GALNT13: variants seen among roughly 807,000 people sequenced by gnomAD.
GALNT13 encodes the protein polypeptide N-acetylgalactosaminyltransferase 13, also known as UDP-GalNAc:polypeptide N-acetylgalactosaminyltransferase 13.
Under a neutral mutation model 64.2 loss-of-function variants are expected in GALNT13, and 28 were observed. That is an observed-to-expected ratio of 0.44 (90% confidence interval 0.32 to 0.60). GALNT13 has a LOEUF of 0.60. Ranked by LOEUF, GALNT13 falls within the 20% of genes least tolerant of loss-of-function variation. GALNT13 has a pLI of 0.05. For synonymous variants in GALNT13, 214 were observed against 224.6 expected, an observed-to-expected ratio of 0.95 and a Z score of 0.42; for missense variants, 577 against 669.8, an observed-to-expected ratio of 0.86 and a Z score of 1.53.
chr2:153,998,855 A>G (rs1353210192), intron 3 of GALNT13, among the ~76,000 whole-genome samples: 1 of 152,124 alleles, frequency 6.6e-6, no homozygotes, highest in Non-Finnish European at 1.5e-5. Context: ...TTTTCTGCAT[A>G]TGGTTAGCCA....
chr2:153,302,540 G>T, the GALNT13 span, among the ~76,000 whole-genome samples: 2 of 151,910 alleles, frequency 1.3e-5, no homozygotes, highest in Non-Finnish European at 2.9e-5. Context: ...TCTGTTGATT[G>T]TTTTCTTGGC....
At position 153,944,395 on chromosome 2, in the gene GALNT13, G is replaced by A; in HGVS notation, c.-103G>A. Reference sequence around the variant, plus strand: ...ATTTTCTTCTTTGTTTTAATGCAGTGGAATGTATCCTGCTTTCATCTTGGA... The same window carrying A: ...ATTTTCTTCTTTGTTTTAATGCAGTAGAATGTATCCTGCTTTCATCTTGGA... On this transcript the variant is annotated splice_region_variant and 5_prime_UTR_variant, in exon 3 of 13. The change abolishes an upstream ATG in the 5' untranslated region. Transcript: ENST00000392825. The A allele has an allele frequency of 4.0e-6, 4 of 993,610 alleles. No individual in the cohort carries two copies. The allele number at this position is 993,610 out of a possible 1,614,324, so 61.5% of individuals were successfully genotyped here.
At chr2:154,206,509 C>G (rs998275006) in intron 4 of GALNT13, among the ~76,000 whole-genome samples, 1 of 150,222 alleles carries the variant, frequency 6.7e-6, no homozygotes. Context: ...ACAAGAGGAA[C>G]GGGGGTCGGG....
the GALNT13 span, among the ~76,000 whole-genome samples, chr2:153,193,349 A>G: frequency 6.6e-6 from 1 of 151,274 alleles, no homozygotes; most frequent in Admixed American, 6.6e-5. Flanking sequence ...CGCAAGAACA[A>G]AAAACCAAAC....
At chr2:153,701,026 C>A in the GALNT13 span, among the ~76,000 whole-genome samples, 1 of 152,044 alleles carries the variant, frequency 6.6e-6, no homozygotes, top group Non-Finnish European at 1.5e-5. Context: ...AATAAAAGCC[C>A]ATATAGGGAA....
chr2:153,166,621 A>ATGTGTGTGTGTGTG, the GALNT13 span, among the ~76,000 whole-genome samples: 511 of 122,736 alleles, frequency 4.2e-3, 11 homozygotes, highest in Middle Eastern at 0.018. Context: ...TGCCTACTGC[A>ATGTGTGTGTGTGTG]TGTGTGTGTG....
At chr2:153,483,410 CTTTTTTTTT>C in the GALNT13 span, among the ~76,000 whole-genome samples, 7 of 71,778 alleles carry the variant, frequency 9.8e-5, no homozygotes, top group African/African-American at 3.3e-4. Context: ...GAATAAAATT[CTTTTTTTTT>C]TTTTTTTTTT....
At chr2:154,231,184 A>G (rs1049691951) in intron 4 of GALNT13, among the ~76,000 whole-genome samples, 10 of 152,052 alleles carry the variant, frequency 6.6e-5, no homozygotes, top group African/African-American at 2.4e-4. Context: ...AATAAAGCAA[A>G]TATTCCCCTT....
chr2:153,735,312 T>A, the GALNT13 span, among the ~76,000 whole-genome samples: 1 of 152,180 alleles, frequency 6.6e-6, no homozygotes, highest in South Asian at 2.1e-4. Context: ...GAGTATATAC[T>A]TTTCCCCCCA....
chr2:153,178,599 T>C, the GALNT13 span, among the ~76,000 whole-genome samples: 7 of 152,280 alleles, frequency 4.6e-5, no homozygotes, highest in Non-Finnish European at 1.0e-4. Context: ...ATATATATTG[T>C]GGATATTAGC....
chr2:153,329,344 A>G, the GALNT13 span, among the ~76,000 whole-genome samples: 1 of 152,214 alleles, frequency 6.6e-6, no homozygotes, highest in South Asian at 2.1e-4. Flanking sequence ...TCTTTGAGAA[A>G]TTGCCAAACT....
the GALNT13 span, among the ~76,000 whole-genome samples, chr2:153,721,932 G>T: frequency 6.7e-6 from 1 of 149,648 alleles, no homozygotes; most frequent in Admixed American, 6.6e-5. Flanking sequence ...CCCAGGAATT[G>T]AACTCAGCTC....
At chr2:153,265,195 TCATATTTCCCCCATGTC>T in the GALNT13 span, among the ~76,000 whole-genome samples, 1 of 152,088 alleles carries the variant, frequency 6.6e-6, no homozygotes, top group Admixed American at 6.5e-5. Context: ...TCTCACTAGG[TCATATTTCCCCCATGTC>T]CATGGGCTCT....
At chr2:153,847,628 TA>T in the GALNT13 span, among the ~76,000 whole-genome samples, 9,166 of 148,070 alleles carry the variant, frequency 0.062, 375 homozygotes, top group South Asian at 0.16. Context: ...AACCCAGGAG[TA>T]AAAAAAAAAT....
the GALNT13 span, among the ~76,000 whole-genome samples, chr2:153,097,768 A>C: frequency 6.6e-6 from 1 of 152,142 alleles, no homozygotes; most frequent in South Asian, 2.1e-4. Flanking sequence ...TCATACAGGC[A>C]TTACATAACA....
intron 9 of GALNT13, among the ~76,000 whole-genome samples, chr2:154,317,027 A>C (rs1399625089): frequency 1.3e-5 from 2 of 152,130 alleles, no homozygotes; most frequent in Admixed American, 6.6e-5. Context: ...AGCCTGGCCA[A>C]CATGGTGAAA....
the GALNT13 span, among the ~76,000 whole-genome samples, chr2:153,445,008 A>C: frequency 1.3e-5 from 2 of 152,180 alleles, no homozygotes; most frequent in South Asian, 4.1e-4. Flanking sequence ...GCATTTTTAC[A>C]TTTCCACCAG....
chr2:154,070,578 T>C (rs1700687741), intron 3 of GALNT13, among the ~76,000 whole-genome samples: 1 of 152,100 alleles, frequency 6.6e-6, no homozygotes, highest in African/African-American at 2.4e-5. Flanking sequence ...TGATCTACTA[T>C]CTTCTCCTCT....
intron 3 of GALNT13, among the ~76,000 whole-genome samples, chr2:153,966,584 G>T (rs1361133513): frequency 1.3e-5 from 2 of 151,914 alleles, no homozygotes; most frequent in Non-Finnish European, 2.9e-5. Flanking sequence ...TACCCAGGAT[G>T]GTCTCGATCT....
Sources: allele counts gnomAD v4.1 joint callset (sites outside exome capture counted in the v4.1 genomes callset), GRCh38; gene constraint gnomAD v4.1.1; transcripts MANE v1.5; gene names NCBI Gene and HGNC (gene_info 2026-07-23, HGNC 2026-07-21).